Variants in CAPN13 observed in about 807,000 individuals in gnomAD.
The protein encoded by CAPN13 is calpain 13, also known as calpain-13.
CAPN13 carries 90 observed loss-of-function variants against 98.4 expected under a neutral mutation model. That is an observed-to-expected ratio of 0.92 (90% CI 0.77 to 1.09). The LOEUF (loss-of-function observed/expected upper bound fraction) is 1.09, where lower values mean the gene tolerates loss of function less well. Ranked by LOEUF, CAPN13 falls within the 50% of genes least tolerant of loss-of-function variation. The pLI, the probability that CAPN13 is intolerant of heterozygous loss-of-function variation, is 0.00. For synonymous variants in CAPN13, 330 were observed against 305.5 expected, an observed-to-expected ratio of 1.08 and a Z score of -0.84; for missense variants, 887 against 841.3, an observed-to-expected ratio of 1.05 and a Z score of -0.67.
chr2:30,764,362 G>A (rs779978472), intron 5 of CAPN13, 56 bp from the exon 6 acceptor site: 3 of 1,580,802 alleles, frequency 1.9e-6, no homozygotes, highest in South Asian at 1.2e-5. Context: ...TGCTCTGGGA[G>A]GGGAGCTTGT....
chr2:30,731,939 C>A (rs1671118788), intron 20 of CAPN13, among the ~76,000 whole-genome samples: 1 of 152,116 alleles, frequency 6.6e-6, no homozygotes, highest in African/African-American at 2.4e-5. Flanking sequence ...ATGGTGGCCC[C>A]ACTGTGGCCC....
At chr2:30,782,151 C>G (rs999355880) in intron 2 of CAPN13, among the ~76,000 whole-genome samples, 1 of 152,176 alleles carries the variant, frequency 6.6e-6, no homozygotes, top group Non-Finnish European at 1.5e-5. Context: ...CTACCCTAAT[C>G]GTCTCCAGAG....
chr2:30,773,173 C>T (rs1673501309), intron 4 of CAPN13, among the ~76,000 whole-genome samples: 1 of 152,196 alleles, frequency 6.6e-6, no homozygotes, highest in East Asian at 1.9e-4. Context: ...CATACAAAGT[C>T]AAAGTCCAGA....
chr2:30,726,910 A>C (rs185619497), intron 22 of CAPN13, among the ~76,000 whole-genome samples: 1 of 152,310 alleles, frequency 6.6e-6, no homozygotes, highest in Admixed American at 6.5e-5. Context: ...AAAGTAAAAT[A>C]AAGTTGGAAA....
rs1390030285 is a variant in CAPN13, at chr2:30,792,841, T to TA, written c.-32-5485dup. Among the ~76,000 whole-genome samples, 4 of 151,318 alleles carry TA rather than the reference T, an allele frequency of 2.6e-5. No homozygotes were observed. The East Asian group carries it at 5.8e-4, about 22-fold the overall frequency. ...TTTTAGCAAATCAAATCCAATAATG[T>TA]AAAAAAAAGAAGAAGAAGAAAGATA... On this transcript the variant is annotated intron_variant, in intron 1 of 22. Transcript: ENST00000295055.
chr2:30,756,847 C>CT (rs934003826), intron 8 of CAPN13, among the ~76,000 whole-genome samples: 6 of 152,190 alleles, frequency 3.9e-5, no homozygotes, highest in African/African-American at 1.4e-4. Context: ...TAGGTTTATT[C>CT]TAGGAATTCA....
chr2:30,800,116 A>AAAGAAAGAAGAAAGAAAG (rs1444108248), intron 1 of CAPN13, among the ~76,000 whole-genome samples: 2 of 85,658 alleles, frequency 2.3e-5, no homozygotes, highest in African/African-American at 9.1e-5. Flanking sequence ...GAAAAGAAAG[A>AAAGAAAGAAGAAAGAAAG]AAAGAAAGAA....
At chr2:30,758,816 CCTCCCTT>C (rs1672623706) in intron 7 of CAPN13, among the ~76,000 whole-genome samples, 2 of 96,930 alleles carry the variant, frequency 2.1e-5, no homozygotes, top group Admixed American at 1.0e-4. Flanking sequence ...CCCTTCCCTT[CCTCCCTT>C]CCTTCCTCCC....
chr2:30,751,928 T>C (rs2139592), intron 10 of CAPN13, among the ~76,000 whole-genome samples: 55,403 of 152,200 alleles, frequency 0.36, 11,357 homozygotes, highest in East Asian at 0.53. Flanking sequence ...TCACTGGCTC[T>C]CTTTTCTTTT....
intron 1 of CAPN13, among the ~76,000 whole-genome samples, chr2:30,788,078 A>C (rs1290892214): frequency 4.6e-5 from 7 of 151,976 alleles, no homozygotes; most frequent in African/African-American, 1.7e-4. Flanking sequence ...GGAGAATTGA[A>C]TATGGGGGAT....
Position 30,751,137 on chromosome 2 carries a change from T to C in CAPN13, c.1202A>G (p.Asp401Gly). Residue 401 changes from aspartate to glycine, a missense_variant, in exon 11 of 23, where the codon GAT becomes GGT. Coordinates refer to ENST00000295055, the MANE Select transcript of CAPN13 (RefSeq NM_144575.3). ...TTGGAAATCGAGTGGAAATTTTGCA[T>C]CTTCTGCTTTCAAATTTGATGGTGT... ...AVTPSNLKAEDAKFPLDFQVI... is the reference protein window; with the variant it reads ...AVTPSNLKAEGAKFPLDFQVI... 1 of 1,613,884 alleles carries C rather than the reference T, an allele frequency of 6.2e-7. No individual in the cohort carries two copies. Among genetic ancestry groups the C allele is most frequent in the Non-Finnish European group, 8.5e-7 (1 of 1,179,820 alleles).
chr2:30,735,924 G>T (rs998628650), intron 18 of CAPN13, among the ~76,000 whole-genome samples: 14 of 152,150 alleles, frequency 9.2e-5, no homozygotes, highest in African/African-American at 3.4e-4. Context: ...GGAGAGGCAG[G>T]AGGGGCAGGC....
At chr2:30,798,022 G>A (rs1216603895) in intron 1 of CAPN13, among the ~76,000 whole-genome samples, 1 of 152,236 alleles carries the variant, frequency 6.6e-6, no homozygotes, top group Non-Finnish European at 1.5e-5. Context: ...GTGCAGTTCA[G>A]ACGGTGGAAG....
At chr2:30,746,607 T>G (rs946489456) in intron 11 of CAPN13, 8 of 199,434 alleles carry the variant, frequency 4.0e-5, no homozygotes, top group African/African-American at 1.6e-4. Context: ...GTGGATAGAT[T>G]TGGTGATCTG....
At chr2:30,787,765 G>A (rs1245027129) in intron 1 of CAPN13, among the ~76,000 whole-genome samples, 1 of 152,166 alleles carries the variant, frequency 6.6e-6, no homozygotes, top group African/African-American at 2.4e-5. Context: ...GTGGGATGGG[G>A]GCAGAGAGGG....
intron 1 of CAPN13, among the ~76,000 whole-genome samples, chr2:30,805,747 C>CTTTTTTTTTTTTTTTTTT (rs72100161): frequency 8.2e-6 from 1 of 121,530 alleles, no homozygotes; most frequent in Non-Finnish European, 1.6e-5. Flanking sequence ...GTAGGTTGGT[C>CTTTTTTTTTTTTTTTTTT]TTTTTTTTTT....
intron 1 of CAPN13, among the ~76,000 whole-genome samples, chr2:30,796,819 G>C (rs2148101021): frequency 6.6e-6 from 1 of 152,292 alleles, no homozygotes; most frequent in Admixed American, 6.5e-5. Context: ...GATTTGGCAG[G>C]CTCTGACCAG....
At chr2:30,803,093 C>T (rs1268789788) in intron 1 of CAPN13, among the ~76,000 whole-genome samples, 1 of 152,204 alleles carries the variant, frequency 6.6e-6, no homozygotes, top group Non-Finnish European at 1.5e-5. Flanking sequence ...TAAGTTCCTG[C>T]AGAAAGCTAG....
At chr2:30,775,851 G>T in intron 4 of CAPN13, 79 bp downstream of exon 4, 1 of 973,194 alleles carries the variant, frequency 1.0e-6, no homozygotes, top group Non-Finnish European at 1.4e-6. Flanking sequence ...TCCCGGCCAC[G>T]AGAAAACTTA....
Sources: allele counts gnomAD v4.1 joint callset (sites outside exome capture counted in the v4.1 genomes callset), GRCh38; gene constraint gnomAD v4.1.1; transcripts MANE v1.5; gene names NCBI Gene and HGNC (gene_info 2026-07-23, HGNC 2026-07-21).